ZNF337: variants seen among roughly 807,000 people sequenced by gnomAD.
The protein encoded by ZNF337 is zinc finger protein 337.
A neutral mutation model predicts 12.1 loss-of-function variants in ZNF337; 8 were observed. The ratio of observed to expected loss-of-function variants is 0.66; its 90% confidence interval spans 0.39 to 1.19. The LOEUF is 1.19. ZNF337 is among the 50% of genes most tolerant of loss of function. The pLI is 0.01. For synonymous variants in ZNF337, 336 were observed against 320.0 expected (o/e 1.05, Z -0.53); for missense variants, 882 against 896.6 (o/e 0.98, Z 0.21).
intron 4 of ZNF337, among the ~76,000 whole-genome samples, chr20:25,679,465 AAAAC>A (rs977307815): frequency 2.0e-5 from 3 of 152,150 alleles, no homozygotes; most frequent in Non-Finnish European, 4.4e-5. Flanking sequence ...AAGAAGTCAA[AAAAC>A]AACAACAAAA....
At chr20:25,691,869 C>T (rs1364610074) in intron 1 of ZNF337, among the ~76,000 whole-genome samples, 5 of 152,162 alleles carry the variant, frequency 3.3e-5, no homozygotes, top group Admixed American at 6.5e-5. Flanking sequence ...ATACAGTCCA[C>T]GTCGCTCCTC....
intron 4 of ZNF337, among the ~76,000 whole-genome samples, chr20:25,680,056 C>T (rs1166271769): frequency 6.6e-6 from 1 of 151,952 alleles, no homozygotes; most frequent in Admixed American, 6.6e-5. Flanking sequence ...ATCATTAGTT[C>T]ATTATGTTAG....
chr20:25,696,171 T>C (rs1157802277), intron 1 of ZNF337, among the ~76,000 whole-genome samples: 8 of 140,740 alleles, frequency 5.7e-5, no homozygotes, highest in African/African-American at 1.8e-4. Flanking sequence ...CCGCGGAAGA[T>C]CGTCCCAAGG....
chr20:25,686,369 C>T (rs753733034), intron 2 of ZNF337, 22 bp downstream of exon 2: 85 of 1,607,408 alleles, frequency 5.3e-5, no homozygotes, highest in East Asian at 1.1e-4. Context: ...ACAGCAAGAA[C>T]GACAGTTCTG....
intron 4 of ZNF337, chr20:25,677,368 A>G (rs1024499512): frequency 1.9e-4 from 42 of 225,090 alleles, no homozygotes; most frequent in African/African-American, 9.1e-4. Flanking sequence ...AGAAAAGATA[A>G]TACACCATGA....
intron 4 of ZNF337, among the ~76,000 whole-genome samples, chr20:25,680,553 T>G (rs1257855884): frequency 1.3e-5 from 2 of 152,108 alleles, no homozygotes; most frequent in Non-Finnish European, 2.9e-5. Flanking sequence ...AAAAGAGAAA[T>G]AGCAAACTGA....
chr20:25,686,500 T>C, intron 1 of ZNF337, 34 bp from the exon 2 acceptor site: 1 of 1,511,776 alleles, frequency 6.6e-7, no homozygotes, highest in Non-Finnish European at 9.1e-7. Context: ...GGTGGCTGGG[T>C]GCAGCTGCCC....
Position 25,675,163 on chromosome 20 carries a change from C to G in ZNF337, c.2125G>C (p.Gly709Arg), listed in dbSNP as rs753205452. 3 of 1,614,236 alleles carry G rather than the reference C, an allele frequency of 1.9e-6. No individual in the cohort carries two copies. The highest frequency in any genetic ancestry group is 2.5e-6 in the Non-Finnish European group (3 of 1,180,044). Residue 709 changes from glycine to arginine, a missense_variant, in exon 5 of 5, where the codon GGA becomes CGA. Gly to Arg is a moderately radical substitution (Grantham distance 125). Transcript: ENST00000252979. ...TCTTGGCATTCATAAGGCCTCTCTC[C>G]TGTGTGTATTCTTTCATGCACAGTG... ...DLTVHERIHT[G>R]ERPYECQECG...
intron 1 of ZNF337, among the ~76,000 whole-genome samples, chr20:25,689,608 C>T (rs1045228626): frequency 3.9e-5 from 6 of 152,146 alleles, no homozygotes; most frequent in African/African-American, 1.4e-4. Context: ...TTACGGTATG[C>T]AAGTTACACC....
In ZNF337 at chr20:25,676,091, T is replaced by C. The variant is rs766842365; in HGVS notation, c.1197A>G (p.Ser399=). The C allele has an allele frequency of 6.2e-7, 1 of 1,613,658 alleles. No homozygotes were observed. Among genetic ancestry groups the C allele is most frequent in the East Asian group, 2.2e-5 (1 of 44,868 alleles). The change falls in exon 5 of 5, where the codon TCA becomes TCG. Residue 399 remains serine (S), a synonymous_variant. Coordinates refer to ENST00000252979, the MANE Select transcript of ZNF337 (RefSeq NM_015655.4). Reference sequence around the variant, plus strand: ...CCTTGCACACAAAAGGCTTCTCCCCTGAGTGTGTTCTCTGGTGTCTGAGGA... The same window carrying C: ...CCTTGCACACAAAAGGCTTCTCCCCCGAGTGTGTTCTCTGGTGTCTGAGGA... ...GSLLRHQRTH[S]GEKPFVCKDC... is the part of the protein sequence containing the mutation.
chr20:25,688,854 C>T (rs1459651417), intron 1 of ZNF337, among the ~76,000 whole-genome samples: 4 of 152,116 alleles, frequency 2.6e-5, no homozygotes, highest in East Asian at 3.9e-4. Flanking sequence ...CTCTGCCGGG[C>T]GCGGTGGCTC....
rs1179089788 is a variant in ZNF337, at chr20:25,675,586, C to T, written c.1702G>A (p.Gly568Arg). The change falls in exon 5 of 5, where the codon GGG becomes AGG. Residue 568 changes from glycine (G) to arginine (R), a missense_variant. Gly to Arg is a moderately radical substitution (Grantham distance 125). Transcript: ENST00000252979. ...TCCTTGCAATTAAATGGCCTTTCCC[C>T]CGAGTGTGTCCACTGATGTCTAAGA... ...NLLRHQWTHS[G>R]ERPFNCKDCG... 1.2e-6 allele frequency: 2 copies of T among 1,613,900 alleles called. No homozygotes were observed. The highest frequency in any genetic ancestry group is 1.1e-5 in the South Asian group (1 of 91,082).
chr20:25,694,835 G>T (rs930573702), intron 1 of ZNF337, among the ~76,000 whole-genome samples: 2 of 152,228 alleles, frequency 1.3e-5, no homozygotes, highest in African/African-American at 4.8e-5. Context: ...TCTTTGACAT[G>T]TTTTGAAGTG....
intron 1 of ZNF337, among the ~76,000 whole-genome samples, chr20:25,687,541 T>C (rs2065845953): frequency 6.6e-6 from 1 of 152,236 alleles, no homozygotes; most frequent in Admixed American, 6.5e-5. Context: ...ATACATCCAC[T>C]AGCCAGTAAC....
In ZNF337 at chr20:25,674,683, C is replaced by T. The variant is rs757503189; in HGVS notation, c.*349G>A. 3.9e-6 allele frequency: 1 copy of T among 256,390 alleles called. No homozygotes were observed. Among genetic ancestry groups the T allele is most frequent in the Non-Finnish European group, 7.5e-6 (1 of 134,094 alleles). 15.9% of individuals were successfully genotyped at this position (256,390 alleles called of 1,614,324 possible). On this transcript the variant is annotated 3_prime_UTR_variant, in exon 5 of 5. Coordinates refer to ENST00000252979, the MANE Select transcript of ZNF337 (RefSeq NM_015655.4). The stretch of plus-strand genomic sequence containing the variant: ...AGGAGGTTGGGGAGAGTGTAACAGG[C>T]CTGCCTTGGTATCCCTGCTCTGCAG...
At position 25,685,679 on chromosome 20, in the gene ZNF337, AAACCATGAGGTG is replaced by A. The variant is rs1569013255; in HGVS notation, c.155-29_155-18del. 2 of 1,610,976 alleles carry A rather than the reference AAACCATGAGGTG, an allele frequency of 1.2e-6. No individual in the cohort carries two copies. The highest frequency in any genetic ancestry group is 1.7e-6 in the Non-Finnish European group (2 of 1,177,224). ...GGAGAATTCCTGCTCACAGGGAAAA[AAACCATGAGGTG>A]ACTCCTGGTTGTAGGCTCCACGGGC... is the stretch of plus-strand genomic sequence containing the variant. On this transcript the variant is annotated intron_variant, in intron 3 of 4. Transcript: ENST00000252979.
chr20:25,676,571 A>G lies in ZNF337; in HGVS notation c.717T>C (p.Ser239=). ...TGAGGCTGAAGCCTCGCCCACACACACTGCACACATAGGACTTCTCTCCTG... is the reference window on the plus strand; with the variant it reads ...TGAGGCTGAAGCCTCGCCCACACACGCTGCACACATAGGACTTCTCTCCTG... ...THTGEKSYVC[S]VCGRGFSLKA... is the part of the protein sequence containing the mutation. Residue 239 remains serine (S), a synonymous_variant, in exon 5 of 5, where the codon AGT becomes AGC. Coordinates refer to ENST00000252979, the MANE Select transcript of ZNF337 (RefSeq NM_015655.4). The G allele has an allele frequency of 6.2e-7, 1 of 1,613,850 alleles. No homozygotes were observed. The highest frequency in any genetic ancestry group is 8.5e-7 in the Non-Finnish European group (1 of 1,179,926).
intron 1 of ZNF337, chr20:25,686,756 G>C: frequency 2.9e-6 from 1 of 348,324 alleles, no homozygotes; most frequent in Admixed American, 4.6e-5. Flanking sequence ...TAAGGTTAGG[G>C]CTCAGAGTTC....
At chr20:25,687,490 G>A (rs1209709064) in intron 1 of ZNF337, among the ~76,000 whole-genome samples, 1 of 152,050 alleles carries the variant, frequency 6.6e-6, no homozygotes, top group Non-Finnish European at 1.5e-5. Context: ...AAATGTGAAG[G>A]AACAAAGATG....
Sources: gnomAD v4.1 joint callset for allele counts (sites outside exome capture counted in the v4.1 genomes callset) on GRCh38, gnomAD v4.1.1 for gene constraint, MANE v1.5 for transcripts, NCBI Gene and HGNC (gene_info 2026-07-23, HGNC 2026-07-21) for gene names.